ADAMTSL1: variants seen among roughly 807,000 people sequenced by gnomAD.
ADAMTSL1 encodes the protein ADAMTS like 1.
In ADAMTSL1, 126 loss-of-function variants were observed where a neutral mutation model predicts 201.8. That is an observed-to-expected ratio of 0.62 (90% CI 0.54 to 0.72). ADAMTSL1 has a LOEUF of 0.72. ADAMTSL1 is among the 30% of genes least tolerant of loss of function. ADAMTSL1 has a pLI of 0.00. For synonymous variants in ADAMTSL1, 1,121 were observed against 903.4 expected (o/e 1.24, Z -4.32); for missense variants, 2,679 against 2,277.8 (o/e 1.18, Z -3.59).
chr9:18,486,565 C>G lies in ADAMTSL1; in HGVS notation c.63+12270C>G, dbSNP rs953825299. Among the ~76,000 whole-genome samples, 7 of 152,152 alleles carry G rather than the reference C, an allele frequency of 4.6e-5. No homozygotes were observed. In the East Asian group the frequency reaches 1.4e-3, roughly 29 times the overall value. ...AGAAAAAATGCAAAAATTGGACAGG[C>G]ATGGTAGTGCGTGCCTGTAGTCCTA... On this transcript the variant is annotated intron_variant, in intron 1 of 28. Transcript: ENST00000380548.
intron 2 of ADAMTSL1, among the ~76,000 whole-genome samples, chr9:18,457,283 A>G (rs911419361): frequency 1.3e-5 from 2 of 152,196 alleles, no homozygotes; most frequent in Admixed American, 6.5e-5. Context: ...AGTTAAAATA[A>G]AATCACGGAA....
chr9:18,118,948 A>G (rs1484344179), intron 1 of ADAMTSL1, among the ~76,000 whole-genome samples: 1 of 152,202 alleles, frequency 6.6e-6, no homozygotes, highest in Non-Finnish European at 1.5e-5. Flanking sequence ...TTAATGCAGC[A>G]AACATTTGTT....
intron 2 of ADAMTSL1, among the ~76,000 whole-genome samples, chr9:18,359,329 C>G (rs1836397207): frequency 6.6e-6 from 1 of 152,144 alleles, no homozygotes; most frequent in Admixed American, 6.5e-5. Context: ...CCCCCAGAAT[C>G]CGATGCTGTC....
At chr9:17,968,302 G>A (rs1334329905) in intron 1 of ADAMTSL1, among the ~76,000 whole-genome samples, 1 of 152,052 alleles carries the variant, frequency 6.6e-6, no homozygotes, top group Non-Finnish European at 1.5e-5. Context: ...ATTTGTGTGT[G>A]TATGTTTTCT....
rs187594754 is a variant in ADAMTSL1, at chr9:18,093,707, C to T, written c.88-70155C>T. Among the ~76,000 whole-genome samples, 55 of 152,156 alleles carry T rather than the reference C, an allele frequency of 3.6e-4. No individual in the cohort carries two copies. The East Asian group carries it at 0.01, about 28-fold the overall frequency. Reference sequence around the variant, plus strand: ...GGCTCTCCTAAAGTTTTTAGCCATCCCTGGGTTTCAAAGTATTTGGCAAAG... The same window carrying T: ...GGCTCTCCTAAAGTTTTTAGCCATCTCTGGGTTTCAAAGTATTTGGCAAAG... On this transcript the variant is annotated intron_variant, in intron 1 of 29. Transcript: ENST00000680146.
intron 4 of ADAMTSL1, among the ~76,000 whole-genome samples, chr9:18,620,821 A>T (rs1369885877): frequency 6.6e-6 from 1 of 152,210 alleles, no homozygotes; most frequent in African/African-American, 2.4e-5. Flanking sequence ...ATGTACAGTT[A>T]TTGAAGGGGT....
At chr9:18,422,722 G>A (rs914925836) in intron 2 of ADAMTSL1, among the ~76,000 whole-genome samples, 11 of 152,158 alleles carry the variant, frequency 7.2e-5, no homozygotes, top group East Asian at 1.9e-4. Flanking sequence ...ATCAAAGGGC[G>A]TAGATCCTTC....
intron 2 of ADAMTSL1, among the ~76,000 whole-genome samples, chr9:18,345,601 G>A (rs1586933536): frequency 6.6e-6 from 1 of 152,136 alleles, no homozygotes; most frequent in Non-Finnish European, 1.5e-5. Flanking sequence ...TTGTTCCAAA[G>A]TCGATACACT....
chr9:18,545,017 T>C (rs1454807062), intron 3 of ADAMTSL1, among the ~76,000 whole-genome samples: 1 of 152,210 alleles, frequency 6.6e-6, no homozygotes, highest in East Asian at 1.9e-4. Flanking sequence ...CAGACAGCTT[T>C]CATCTCTTTC....
chr9:18,733,634 C>A lies in ADAMTSL1; in HGVS notation c.2006+11969C>A, dbSNP rs76830784. The stretch of plus-strand genomic sequence containing the variant: ...AAATTACCGACACCACCACTCCCCC[C>A]ACACACACACTCACTCGCTCACTCT... On this transcript the variant is annotated intron_variant, in intron 15 of 28. Transcript: ENST00000380548. Among the ~76,000 whole-genome samples the A allele has an allele frequency of 5.5e-5, 8 of 146,492 alleles. No individual in the cohort carries two copies. The East Asian group carries it at 1.1e-3, about 19-fold the overall frequency.
chr9:18,315,523 C>T (rs60035542), intron 2 of ADAMTSL1, among the ~76,000 whole-genome samples: 4,516 of 152,172 alleles, frequency 0.03, 229 homozygotes, highest in African/African-American at 0.1. Context: ...AGAATTAGAG[C>T]GTGGCATGGG....
chr9:18,454,240 A>G (rs1820520733), intron 2 of ADAMTSL1, among the ~76,000 whole-genome samples: 2 of 152,170 alleles, frequency 1.3e-5, no homozygotes, highest in African/African-American at 4.8e-5. Context: ...ATATAATCCC[A>G]AGGCTGGAGA....
chr9:18,807,550 C>T (rs1186938068), intron 20 of ADAMTSL1, among the ~76,000 whole-genome samples: 1 of 150,066 alleles, frequency 6.7e-6, no homozygotes, highest in Non-Finnish European at 1.5e-5. Flanking sequence ...GAGCCTGAGG[C>T]GGGAGAACCG....
chr9:18,808,235 C>G (rs1188797762), intron 20 of ADAMTSL1, among the ~76,000 whole-genome samples: 1 of 152,164 alleles, frequency 6.6e-6, no homozygotes, highest in African/African-American at 2.4e-5. Flanking sequence ...AGCTTGTACC[C>G]TGTCACCTGA....
chr9:18,260,419 G>C (rs897080325), intron 2 of ADAMTSL1, among the ~76,000 whole-genome samples: 1 of 152,230 alleles, frequency 6.6e-6, no homozygotes, highest in African/African-American at 2.4e-5. Flanking sequence ...AAACATGACT[G>C]TCTCGGCTTT....
At chr9:18,736,916 A>G (rs1350742948) in intron 15 of ADAMTSL1, among the ~76,000 whole-genome samples, 3 of 152,160 alleles carry the variant, frequency 2.0e-5, no homozygotes, top group Admixed American at 2.0e-4. Flanking sequence ...GGGAGCCCCA[A>G]AACCCTCCTC....
chr9:18,585,960 A>G (rs183874880), intron 4 of ADAMTSL1, among the ~76,000 whole-genome samples: 13 of 152,338 alleles, frequency 8.5e-5, no homozygotes, highest in South Asian at 2.1e-4. Flanking sequence ...AGAGTCATCT[A>G]TGACAAGCCC....
At chr9:18,900,033 T>C (rs892660395) in intron 26 of ADAMTSL1, among the ~76,000 whole-genome samples, 2 of 152,256 alleles carry the variant, frequency 1.3e-5, no homozygotes, top group East Asian at 3.9e-4. Context: ...AATTTTGCAA[T>C]CTATCCATCT....
chr9:18,647,470 T>G (rs1374299127), intron 7 of ADAMTSL1, among the ~76,000 whole-genome samples: 2 of 152,176 alleles, frequency 1.3e-5, no homozygotes, highest in African/African-American at 4.8e-5. Context: ...TTCTTTTAAT[T>G]GTGATATTAG....
Sources: allele counts gnomAD v4.1 joint callset (sites outside exome capture counted in the v4.1 genomes callset), GRCh38; gene constraint gnomAD v4.1.1; transcripts MANE v1.5; gene names NCBI Gene and HGNC (gene_info 2026-07-23, HGNC 2026-07-21).